The following WWOX variants were observed in gnomAD, a reference collection of about 807,000 sequenced individuals.
The protein encoded by WWOX is WW domain containing oxidoreductase, also known as WW domain-containing oxidoreductase.
In WWOX, 69 loss-of-function variants were observed where a neutral mutation model predicts 46.2. The observed-to-expected ratio is 1.49, with a 90% CI of 1.23 to 1.82. The LOEUF (loss-of-function observed/expected upper bound fraction) is 1.82, where lower values mean the gene tolerates loss of function less well. Among genes scored for constraint, WWOX ranks in the 40% most tolerant of loss-of-function variants. The pLI is 0.00. For synonymous variants in WWOX, 359 were observed against 202.6 expected (o/e 1.77, Z -6.56); for missense variants, 919 against 542.6 (o/e 1.69, Z -6.89).
intron 8 of WWOX, among the ~76,000 whole-genome samples, chr16:78,904,797 A>G (rs1029487763): frequency 6.6e-6 from 1 of 152,172 alleles, no homozygotes; most frequent in South Asian, 2.1e-4. Flanking sequence ...CCTTCTTTTT[A>G]TCAACACTTA....
intron 5 of WWOX, among the ~76,000 whole-genome samples, chr16:78,243,618 C>G (rs2037727075): frequency 6.6e-6 from 1 of 152,176 alleles, no homozygotes; most frequent in African/African-American, 2.4e-5. Flanking sequence ...ACCATCTTGG[C>G]TCACTGCAAC....
At chr16:78,203,591 C>A (rs1164376922) in intron 5 of WWOX, among the ~76,000 whole-genome samples, 1 of 152,114 alleles carries the variant, frequency 6.6e-6, no homozygotes, top group Non-Finnish European at 1.5e-5. Flanking sequence ...AAGACCGTAT[C>A]TCCGTCTGCA....
intron 8 of WWOX, among the ~76,000 whole-genome samples, chr16:79,006,197 C>A (rs143707573): frequency 1.3e-5 from 2 of 152,138 alleles, no homozygotes; most frequent in South Asian, 4.1e-4. Flanking sequence ...GTTTGGCCTG[C>A]GGCAGGAAAG....
intron 8 of WWOX, among the ~76,000 whole-genome samples, chr16:78,931,285 A>C (rs909450134): frequency 6.6e-6 from 1 of 152,140 alleles, no homozygotes; most frequent in Non-Finnish European, 1.5e-5. Flanking sequence ...TAGGAATGGT[A>C]AGAGAAACTC....
At chr16:78,735,497 C>A (rs549602964) in intron 8 of WWOX, among the ~76,000 whole-genome samples, 1 of 152,058 alleles carries the variant, frequency 6.6e-6, no homozygotes. Flanking sequence ...CGTGCTTGAA[C>A]TCGAGGACTT....
chr16:78,707,923 G>C (rs1022041858), intron 8 of WWOX, among the ~76,000 whole-genome samples: 30 of 152,094 alleles, frequency 2.0e-4, no homozygotes, highest in Non-Finnish European at 4.4e-5. Context: ...CTATTCGGTT[G>C]GTGCAAAAGC....
chr16:78,264,011 TTTTTG>T lies in WWOX; in HGVS notation c.516+99727_516+99731del, dbSNP rs1402601680. ...GCTGTGAAATCTTTTTTTTTTTTTTTTTTTGTTTTTTTGCTGTGGAGCGCAAAATG... is the reference window on the plus strand; with the variant it reads ...GCTGTGAAATCTTTTTTTTTTTTTTTTTTTTTTGCTGTGGAGCGCAAAATG... On this transcript the variant is annotated intron_variant, in intron 5 of 8. Coordinates refer to ENST00000566780, the MANE Select transcript of WWOX (RefSeq NM_016373.4). 6.4e-4 allele frequency among the ~76,000 whole-genome samples: 89 copies of T among 139,862 alleles called. 5 individuals are homozygous for T. Among genetic ancestry groups the T allele is most frequent in the Middle Eastern group, 3.6e-3 (1 of 274 alleles). 91.8% of individuals were successfully genotyped at this position (139,862 alleles called of 152,430 possible).
intron 1 of WWOX, chr16:78,100,250 T>C (rs2031674902): frequency 1.8e-6 from 2 of 1,117,478 alleles, no homozygotes; most frequent in African/African-American, 1.7e-5. Flanking sequence ...AGGAGTTTTG[T>C]TGTGTTTTGT....
At chr16:78,162,607 G>T (rs2034832695) in intron 4 of WWOX, among the ~76,000 whole-genome samples, 1 of 151,732 alleles carries the variant, frequency 6.6e-6, no homozygotes, top group Non-Finnish European at 1.5e-5. Context: ...TCTGCTTATG[G>T]CTCAGGATAC....
At chr16:78,327,562 TG>T (rs2080653863) in intron 5 of WWOX, among the ~76,000 whole-genome samples, 2 of 152,150 alleles carry the variant, frequency 1.3e-5, no homozygotes, top group Non-Finnish European at 2.9e-5. Context: ...TCCAATCATT[TG>T]GGGTATTAGG....
At chr16:78,502,554 T>C (rs2085096567) in intron 8 of WWOX, among the ~76,000 whole-genome samples, 1 of 152,264 alleles carries the variant, frequency 6.6e-6, no homozygotes, top group African/African-American at 2.4e-5. Context: ...CGCCATTGTA[T>C]GGATATACCA....
At chr16:78,559,404 C>G (rs77272728) in intron 8 of WWOX, among the ~76,000 whole-genome samples, 7,818 of 152,216 alleles carry the variant, frequency 0.051, 259 homozygotes, top group African/African-American at 0.089. Context: ...TGCCTGTAGA[C>G]TGAGTGTCGA....
chr16:78,559,247 C>A (rs552669053), intron 8 of WWOX, among the ~76,000 whole-genome samples: 1 of 152,182 alleles, frequency 6.6e-6, no homozygotes, highest in Non-Finnish European at 1.5e-5. Flanking sequence ...AATAAGGGGA[C>A]CATGCATGTA....
intron 8 of WWOX, chr16:78,890,811 G>A (rs2044573626): frequency 6.6e-6 from 1 of 152,138 alleles, no homozygotes; most frequent in Admixed American, 6.5e-5. Context: ...GAAATCATGG[G>A]TTTCGAGCAT....
chr16:78,182,561 T>C (rs2035563166), intron 5 of WWOX, among the ~76,000 whole-genome samples: 1 of 152,040 alleles, frequency 6.6e-6, no homozygotes, highest in African/African-American at 2.4e-5. Flanking sequence ...TCCTGTCTCC[T>C]GCCCTCCCTT....
intron 8 of WWOX, among the ~76,000 whole-genome samples, chr16:78,540,213 A>G (rs1359332076): frequency 1.3e-5 from 2 of 151,650 alleles, no homozygotes; most frequent in Non-Finnish European, 2.9e-5. Context: ...TCTTGATGGG[A>G]TTGATCTCCT....
intron 8 of WWOX, among the ~76,000 whole-genome samples, chr16:78,880,093 C>G (rs1034360067): frequency 6.6e-6 from 1 of 152,118 alleles, no homozygotes; most frequent in African/African-American, 2.4e-5. Flanking sequence ...TGCAACTTGT[C>G]AAACACTTAC....
intron 1 of WWOX, among the ~76,000 whole-genome samples, chr16:78,102,967 C>T (rs2031895242): frequency 6.6e-6 from 1 of 152,200 alleles, no homozygotes; most frequent in South Asian, 2.1e-4. Flanking sequence ...CTGCCTCTGG[C>T]TCTGTGGGGC....
chr16:78,646,771 A>G (rs1454016581), intron 8 of WWOX, among the ~76,000 whole-genome samples: 20 of 152,178 alleles, frequency 1.3e-4, no homozygotes, highest in Non-Finnish European at 2.9e-5. Context: ...GCCTCCTTCT[A>G]GAACTAGAAC....
Sources: gnomAD v4.1 joint callset for allele counts (sites outside exome capture counted in the v4.1 genomes callset) on GRCh38, gnomAD v4.1.1 for gene constraint, MANE v1.5 for transcripts, NCBI Gene and HGNC (gene_info 2026-07-23, HGNC 2026-07-21) for gene names.